The following STIM2 variants were observed in gnomAD, a reference collection of about 807,000 sequenced individuals.
The protein encoded by STIM2 is stromal interaction molecule 2.
STIM2 carries 31 observed loss-of-function variants against 85.8 expected under a neutral mutation model. The ratio of observed to expected loss-of-function variants is 0.36; its 90% CI spans 0.27 to 0.49. The LOEUF is 0.49. Ranked by LOEUF, STIM2 falls within the 20% of genes least tolerant of loss-of-function variation. The pLI is 0.98. For synonymous variants in STIM2, 356 were observed against 331.1 expected (o/e 1.08, Z -0.82); for missense variants, 841 against 927.6 (o/e 0.91, Z 1.21).
At chr4:27,020,965 T>A in intron 11 of STIM2, 2 of 1,532,308 alleles carry the variant, frequency 1.3e-6, no homozygotes, top group Non-Finnish European at 1.8e-6. Flanking sequence ...ACTCTCCCTT[T>A]CATTTCTCAA....
chr4:26,895,939 A>G (rs1723682817), intron 1 of STIM2, among the ~76,000 whole-genome samples: 1 of 152,138 alleles, frequency 6.6e-6, no homozygotes, highest in Admixed American at 6.5e-5. Context: ...GTTATTTAAG[A>G]GTTTCTGTTG....
chr4:26,891,723 AT>A (rs1303588658), intron 1 of STIM2, among the ~76,000 whole-genome samples: 1 of 152,174 alleles, frequency 6.6e-6, no homozygotes, highest in East Asian at 1.9e-4. Context: ...CCTACTAGAC[AT>A]TCTGTCTGTC....
At chr4:26,944,149 A>C (rs532896434) in intron 2 of STIM2, among the ~76,000 whole-genome samples, 1 of 152,304 alleles carries the variant, frequency 6.6e-6, no homozygotes, top group East Asian at 1.9e-4. Context: ...ACAAATATAT[A>C]CATGGTTCCA....
At chr4:26,865,331 A>G (rs1468089897) in intron 1 of STIM2, among the ~76,000 whole-genome samples, 4 of 152,148 alleles carry the variant, frequency 2.6e-5, no homozygotes, top group Non-Finnish European at 5.9e-5. Flanking sequence ...TTAAGAATAC[A>G]TGGCAGAACT....
chr4:26,934,492 T>C (rs1482465222), intron 2 of STIM2, among the ~76,000 whole-genome samples: 1 of 152,270 alleles, frequency 6.6e-6, no homozygotes, highest in Non-Finnish European at 1.5e-5. Flanking sequence ...CTAATTTTCA[T>C]GGCCACTGTT....
intron 1 of STIM2, among the ~76,000 whole-genome samples, chr4:26,892,531 G>C (rs770283966): frequency 2.0e-5 from 3 of 152,072 alleles, no homozygotes; most frequent in South Asian, 2.1e-4. Flanking sequence ...ATTTTTTTGG[G>C]GGGGGACGCA....
chr4:26,934,417 A>G (rs1443300908), intron 2 of STIM2, among the ~76,000 whole-genome samples: 1 of 152,160 alleles, frequency 6.6e-6, no homozygotes, highest in Admixed American at 6.5e-5. Flanking sequence ...AGAACAGACA[A>G]TTGTGAGAAT....
intron 1 of STIM2, among the ~76,000 whole-genome samples, chr4:26,908,264 C>T (rs890287567): frequency 1.6e-4 from 25 of 152,006 alleles, no homozygotes; most frequent in Admixed American, 1.5e-3. Flanking sequence ...ACTAGAAAAC[C>T]TTTTTCTTGA....
intron 1 of STIM2, among the ~76,000 whole-genome samples, chr4:26,885,735 T>C (rs1723193996): frequency 4.7e-5 from 7 of 149,806 alleles, no homozygotes; most frequent in Admixed American, 3.3e-4. Context: ...TACCAGGCTA[T>C]GTAGTTTATA....
At chr4:26,995,720 G>A (rs1727940121) in intron 4 of STIM2, among the ~76,000 whole-genome samples, 1 of 152,002 alleles carries the variant, frequency 6.6e-6, no homozygotes, top group African/African-American at 2.4e-5. Context: ...ATGATTTTGA[G>A]TTTCAGAAGA....
chr4:26,920,042 G>T (rs1577438095), intron 2 of STIM2, among the ~76,000 whole-genome samples: 1 of 152,280 alleles, frequency 6.6e-6, no homozygotes, highest in East Asian at 1.9e-4. Flanking sequence ...ATGGGCCGAG[G>T]TCACTATGGA....
chr4:26,991,895 AT>A (rs1053776742), intron 3 of STIM2, among the ~76,000 whole-genome samples: 5 of 152,026 alleles, frequency 3.3e-5, no homozygotes, highest in African/African-American at 1.2e-4. Context: ...AGCAGAAACA[AT>A]ATAAGTTAAC....
chr4:26,970,199 GTATATATATATATATA>G (rs67648567), intron 3 of STIM2, among the ~76,000 whole-genome samples: 24 of 91,136 alleles, frequency 2.6e-4, no homozygotes, highest in African/African-American at 8.3e-4. Context: ...TAGTGTGTGT[GTATATATATATATATA>G]TATATATGTA....
intron 1 of STIM2, among the ~76,000 whole-genome samples, chr4:26,873,166 G>A (rs183840456): frequency 2.0e-5 from 3 of 152,268 alleles, no homozygotes; most frequent in Admixed American, 1.3e-4. Flanking sequence ...TTGGGAGGCC[G>A]AGGCGGGCGG....
intron 2 of STIM2, among the ~76,000 whole-genome samples, chr4:26,920,856 T>C (rs1724768775): frequency 6.6e-6 from 1 of 152,220 alleles, no homozygotes; most frequent in Admixed American, 6.5e-5. Flanking sequence ...AAATCTCTTG[T>C]TGTTCAGTTG....
intron 2 of STIM2, among the ~76,000 whole-genome samples, chr4:26,951,287 C>T (rs1204255260): frequency 6.6e-6 from 1 of 152,064 alleles, no homozygotes; most frequent in Non-Finnish European, 1.5e-5. Context: ...CTAGAATTTT[C>T]CCCCTGCAAA....
At chr4:26,881,773 A>G (rs986852453) in intron 1 of STIM2, among the ~76,000 whole-genome samples, 2 of 152,244 alleles carry the variant, frequency 1.3e-5, no homozygotes, top group Non-Finnish European at 2.9e-5. Flanking sequence ...AATGGAAGAT[A>G]TAAATTATTT....
chr4:26,981,293 C>T (rs1457641828), intron 3 of STIM2, among the ~76,000 whole-genome samples: 1 of 152,090 alleles, frequency 6.6e-6, no homozygotes, highest in Non-Finnish European at 1.5e-5. Flanking sequence ...GAGTTTAGAA[C>T]AGTATTTGAT....
At position 27,008,418 on chromosome 4, in the gene STIM2, C is replaced by T. The variant is rs765584838; in HGVS notation, c.1150-10C>T. 48 of 1,549,656 alleles carry T rather than the reference C, an allele frequency of 3.1e-5. No individual in the cohort carries two copies. The highest frequency in any genetic ancestry group is 7.7e-5 in the South Asian group (6 of 78,268). ...AAACCTAGCCTTATTTAGTCCTTTT[C>T]GGTTTCTAGGCAGAAAAAATTAAAA... On this transcript the variant is annotated splice_polypyrimidine_tract_variant and intron_variant, in intron 8 of 11. Transcript: ENST00000467087.
Sources: allele counts gnomAD v4.1 joint callset (sites outside exome capture counted in the v4.1 genomes callset), GRCh38; gene constraint gnomAD v4.1.1; transcripts MANE v1.5; gene names NCBI Gene and HGNC (gene_info 2026-07-23, HGNC 2026-07-21).